CSGALNACT1: variants seen among roughly 807,000 people sequenced by gnomAD.
The protein encoded by CSGALNACT1 is beta4GalNAcT-1.
Under a neutral mutation model 51.0 loss-of-function variants are expected in CSGALNACT1, and 52 were observed. The ratio of observed to expected loss-of-function variants is 1.02; its 90% CI spans 0.82 to 1.29. CSGALNACT1 has a LOEUF of 1.29. Among genes scored for constraint, CSGALNACT1 ranks in the 50% most tolerant of loss-of-function variants. The probability of loss-of-function intolerance (pLI) is 0.00; values close to 1 mark genes in which losing one functional copy is unlikely to be tolerated. For synonymous variants in CSGALNACT1, 341 were observed against 254.4 expected (o/e 1.34, Z -3.24); for missense variants, 935 against 679.2 (o/e 1.38, Z -4.19).
intron 4 of CSGALNACT1, among the ~76,000 whole-genome samples, chr8:19,462,533 A>G (rs1246943842): frequency 1.3e-5 from 2 of 152,206 alleles, no homozygotes; most frequent in African/African-American, 4.8e-5. Flanking sequence ...CTATGAATAC[A>G]GAATGCCAGC....
At chr8:19,416,815 C>G (rs766590980) in intron 8 of CSGALNACT1, among the ~76,000 whole-genome samples, 16 of 152,090 alleles carry the variant, frequency 1.1e-4, no homozygotes, top group Non-Finnish European at 2.2e-4. Flanking sequence ...CCTGACGATA[C>G]ATGACATCTC....
intron 3 of CSGALNACT1, among the ~76,000 whole-genome samples, chr8:19,586,447 C>T: frequency 6.6e-6 from 1 of 151,686 alleles, no homozygotes; most frequent in East Asian, 1.9e-4. Context: ...TTAGACAACT[C>T]TTCCTAATGT....
chr8:19,671,810 C>G (rs1589419668), intron 1 of CSGALNACT1, among the ~76,000 whole-genome samples: 1 of 152,154 alleles, frequency 6.6e-6, no homozygotes, highest in East Asian at 1.9e-4. Flanking sequence ...AAATTGAGAT[C>G]CTACTGTTTT....
upstream of CSGALNACT1, chr8:19,682,743 C>T (rs891817167): frequency 4.8e-5 from 22 of 453,928 alleles, no homozygotes; most frequent in Admixed American, 2.4e-4. Context: ...AGCAAGGCTG[C>T]GGATCCCAGA....
At chr8:19,466,941 AG>A (rs2066829122) in intron 4 of CSGALNACT1, among the ~76,000 whole-genome samples, 1 of 152,168 alleles carries the variant, frequency 6.6e-6, no homozygotes, top group African/African-American at 2.4e-5. Context: ...GACTTGCTGA[AG>A]AAATTCATAC....
chr8:19,532,497 C>T (rs1757401567), intron 3 of CSGALNACT1, among the ~76,000 whole-genome samples: 1 of 152,160 alleles, frequency 6.6e-6, no homozygotes, highest in Admixed American at 6.5e-5. Context: ...CAAAAGAGCT[C>T]CCTAACCAGT....
At chr8:19,578,873 G>A (rs1162730719) in intron 3 of CSGALNACT1, among the ~76,000 whole-genome samples, 2 of 151,916 alleles carry the variant, frequency 1.3e-5, no homozygotes, top group Non-Finnish European at 2.9e-5. Context: ...AGACCACGTC[G>A]ACCCTGCAAA....
rs10110004 is a variant in CSGALNACT1, at chr8:19,593,447, G to A, written c.-415-2169C>T. 6.2e-3 allele frequency among the ~76,000 whole-genome samples: 942 copies of A among 152,328 alleles called. 14 individuals are homozygous for A. Among genetic ancestry groups the A allele is most frequent in the African/African-American group, 0.021 (893 of 41,566 alleles). On this transcript the variant is annotated intron_variant, in intron 2 of 9. Transcript: ENST00000454498. ...GCTCCTCAAATGATTCTGCTCTGTA[G>A]GTCTGGAGTGGGGCCTGGGGCCCAA...
chr8:19,486,927 T>G (rs2073094593), intron 4 of CSGALNACT1, among the ~76,000 whole-genome samples: 1 of 152,158 alleles, frequency 6.6e-6, no homozygotes, highest in Non-Finnish European at 1.5e-5. Context: ...GAAGAAAAGG[T>G]AACCAAAAAG....
intron 3 of CSGALNACT1, among the ~76,000 whole-genome samples, chr8:19,517,986 C>T: frequency 6.6e-6 from 1 of 152,176 alleles, no homozygotes; most frequent in East Asian, 1.9e-4. Context: ...GAAACCAGCC[C>T]TGGCACTGGG....
chr8:19,470,993 G>A (rs1271985759), intron 4 of CSGALNACT1, among the ~76,000 whole-genome samples: 1 of 152,100 alleles, frequency 6.6e-6, no homozygotes, highest in Non-Finnish European at 1.5e-5. Flanking sequence ...CTACTTGGGA[G>A]GCTGAGGCAC....
chr8:19,625,761 G>C (rs116988606), intron 1 of CSGALNACT1, among the ~76,000 whole-genome samples: 7 of 152,142 alleles, frequency 4.6e-5, no homozygotes, highest in African/African-American at 1.7e-4. Context: ...GGGCCTTAAG[G>C]CAAGTGGAAA....
chr8:19,701,416 A>G (rs1189495573), intron 1 of CSGALNACT1, among the ~76,000 whole-genome samples: 1 of 152,096 alleles, frequency 6.6e-6, no homozygotes, highest in Non-Finnish European at 1.5e-5. Context: ...GGCCTCCCCA[A>G]GTGCTAGGAT....
chr8:19,507,072 A>C (rs2077476980), intron 3 of CSGALNACT1, among the ~76,000 whole-genome samples: 1 of 152,196 alleles, frequency 6.6e-6, no homozygotes, highest in Non-Finnish European at 1.5e-5. Context: ...AAGCACCCAG[A>C]GGTTCAAATA....
intron 1 of CSGALNACT1, among the ~76,000 whole-genome samples, chr8:19,681,351 T>C (rs1205822006): frequency 6.6e-6 from 1 of 152,170 alleles, no homozygotes; most frequent in Non-Finnish European, 1.5e-5. Flanking sequence ...GATCCATAAA[T>C]GCAGCGGGAG....
chr8:19,698,271 T>C (rs1418184657), intron 1 of CSGALNACT1, among the ~76,000 whole-genome samples: 2 of 152,224 alleles, frequency 1.3e-5, no homozygotes, highest in African/African-American at 4.8e-5. Context: ...ACCAACGCTC[T>C]TTCCATCATA....
intron 3 of CSGALNACT1, among the ~76,000 whole-genome samples, chr8:19,568,063 T>C (rs1199998419): frequency 6.6e-6 from 1 of 152,210 alleles, no homozygotes; most frequent in Non-Finnish European, 1.5e-5. Context: ...TCATCCACCA[T>C]ATGTTTTCAT....
intron 1 of CSGALNACT1, among the ~76,000 whole-genome samples, chr8:19,687,975 C>T (rs555957916): frequency 6.6e-6 from 1 of 152,196 alleles, no homozygotes; most frequent in East Asian, 1.9e-4. Flanking sequence ...CAGTTTCTTA[C>T]ATCCGTGTTG....
At chr8:19,677,857 C>T (rs1159667143) in intron 1 of CSGALNACT1, among the ~76,000 whole-genome samples, 1 of 152,120 alleles carries the variant, frequency 6.6e-6, no homozygotes, top group African/African-American at 2.4e-5. Flanking sequence ...TTAAAGGTCA[C>T]AGATGACTGC....
Sources: gnomAD v4.1 joint callset for allele counts (sites outside exome capture counted in the v4.1 genomes callset) on GRCh38, gnomAD v4.1.1 for gene constraint, MANE v1.5 for transcripts, NCBI Gene and HGNC (gene_info 2026-07-23, HGNC 2026-07-21) for gene names.